The following USP4 variants were observed in gnomAD, a reference collection of about 807,000 sequenced individuals.
USP4 encodes ubiquitin specific peptidase 4.
USP4 carries 72 observed loss-of-function variants against 118.2 expected under a neutral mutation model. That is an observed-to-expected ratio of 0.61 (90% CI 0.50 to 0.74). The LOEUF (loss-of-function observed/expected upper bound fraction) is 0.74. USP4 is among the 30% of genes least tolerant of loss of function. USP4 has a pLI of 0.00. For missense variants in USP4, 1,037 were observed against 1,185.7 expected (o/e 0.87, Z 1.84); for synonymous variants, 415 against 440.4 (o/e 0.94, Z 0.72).
Position 49,335,501 on chromosome 3 carries a change from G to A in USP4, c.197C>T (p.Pro66Leu). The change falls in exon 2 of 22, where the codon CCT becomes CTT. Residue 66 changes from proline to leucine, a missense_variant. Physicochemically the swap from Pro to Leu is moderately conservative, Grantham distance 98. Transcript: ENST00000265560. Reference protein sequence around the residue: ...MYNVGEHNLFPGPIDNSGLFS... With the variant: ...MYNVGEHNLFLGPIDNSGLFS... The stretch of plus-strand genomic sequence containing the variant: ...TAGCCCAGAGTTGTCTATTGGGCCA[G>A]GAAATAGGTTATGTTCACCCACATT... The A allele has an allele frequency of 1.2e-6, 2 of 1,614,194 alleles. No homozygotes were observed. The highest frequency in any genetic ancestry group is 1.7e-6 in the Non-Finnish European group (2 of 1,180,050).
chr3:49,280,697 C>T (rs373060414), intron 20 of USP4, 47 bp downstream of exon 20: 1 of 1,523,234 alleles, frequency 6.6e-7, no homozygotes, highest in Non-Finnish European at 9.1e-7. Context: ...GAGATGATGG[C>T]CGAGCACATT....
chr3:49,295,741 C>G (rs961563550), intron 13 of USP4, among the ~76,000 whole-genome samples: 4 of 151,066 alleles, frequency 2.6e-5, no homozygotes, highest in African/African-American at 9.9e-5. Flanking sequence ...CACACCCCCC[C>G]CTCCCCAAAT....
intron 3 of USP4, among the ~76,000 whole-genome samples, chr3:49,327,139 G>A (rs781329619): frequency 1.1e-4 from 16 of 152,244 alleles, no homozygotes; most frequent in Non-Finnish European, 1.6e-4. Context: ...CTCTCACAGC[G>A]CTGCTGGGCA....
At chr3:49,309,941 A>ATTTTTTTTTTTTTT (rs2047365541) in intron 8 of USP4, among the ~76,000 whole-genome samples, 1 of 15,398 alleles carries the variant, frequency 6.5e-5, no homozygotes, top group Non-Finnish European at 1.1e-4. Context: ...CTTTTTTTTA[A>ATTTTTTTTTTTTTT]TCTTTTTTTT....
intron 8 of USP4, 100 bp downstream of exon 8, chr3:49,310,520 G>A: frequency 1.0e-6 from 1 of 980,028 alleles, no homozygotes; most frequent in South Asian, 1.3e-5. Flanking sequence ...CAAGGGGTAG[G>A]CAGGGACTCC....
chr3:49,296,764 G>A (rs1010673996), intron 13 of USP4, among the ~76,000 whole-genome samples: 2 of 152,208 alleles, frequency 1.3e-5, no homozygotes, highest in Non-Finnish European at 2.9e-5. Flanking sequence ...TGGCCCATAG[G>A]CCCTCTGAAA....
At chr3:49,318,909 C>CAA (rs1263569898) in intron 6 of USP4, 2 of 64,630 alleles carry the variant, frequency 3.1e-5, no homozygotes, top group East Asian at 4.7e-4. Context: ...GACTCTGCCT[C>CAA]AAAAAAAAAA....
At chr3:49,305,986 AC>A (rs2047310739) in intron 8 of USP4, 98 bp from the exon 9 acceptor site, 1 of 1,233,518 alleles carries the variant, frequency 8.1e-7, no homozygotes, top group Non-Finnish European at 1.1e-6. Context: ...GACAACGCCA[AC>A]AAAATGAGGC....
intron 6 of USP4, chr3:49,317,289 G>T: frequency 6.7e-7 from 1 of 1,498,842 alleles, no homozygotes; most frequent in Non-Finnish European, 9.2e-7. Flanking sequence ...CCAGCTTCTC[G>T]TTGACGCAGG....
chr3:49,281,199 G>A (rs141418046), intron 19 of USP4, among the ~76,000 whole-genome samples: 3,628 of 152,202 alleles, frequency 0.024, 154 homozygotes, highest in African/African-American at 0.083. Flanking sequence ...GCTCACACCT[G>A]TAATCCCAGC....
At chr3:49,318,446 T>C (rs2047463862) in intron 6 of USP4, 1 of 985,238 alleles carries the variant, frequency 1.0e-6, no homozygotes, top group Non-Finnish European at 1.2e-6. Flanking sequence ...CTCAGGCAAG[T>C]GACGTTAAAG....
chr3:49,299,077 CT>C (rs1049683757), intron 11 of USP4, among the ~76,000 whole-genome samples: 1 of 151,496 alleles, frequency 6.6e-6, no homozygotes, highest in Non-Finnish European at 1.5e-5. Flanking sequence ...CCGGCCTCAA[CT>C]TTCTTTTTTT....
chr3:49,335,594 T>C lies in USP4; in HGVS notation c.104A>G (p.Tyr35Cys), dbSNP rs202118743. ...RTTLQRGAQW[Y>C]LIDSRWFKQW... ...CTTGAACCACCGGCTGTCAATAAGATACCTAGAGAGAGACAGAAATTTACT... is the reference window on the plus strand; with the variant it reads ...CTTGAACCACCGGCTGTCAATAAGACACCTAGAGAGAGACAGAAATTTACT... The change falls in exon 2 of 22, where the codon TAT becomes TGT. Residue 35 changes from tyrosine to cysteine, a missense_variant and splice_region_variant. Coordinates refer to ENST00000265560, the MANE Select transcript of USP4 (RefSeq NM_003363.4). The C allele has an allele frequency of 1.3e-4, 213 of 1,614,156 alleles. No homozygotes were observed. Among genetic ancestry groups the C allele is most frequent in the Non-Finnish European group, 1.7e-4 (199 of 1,180,034 alleles).
intron 19 of USP4, among the ~76,000 whole-genome samples, chr3:49,281,150 G>A (rs1015879721): frequency 4.6e-5 from 7 of 151,858 alleles, no homozygotes; most frequent in Non-Finnish European, 8.8e-5. Flanking sequence ...GTGAAATCCC[G>A]TCTCTGCTAA....
At chr3:49,327,898 A>C in intron 2 of USP4, 82 bp from the exon 3 acceptor site, 1 of 1,350,698 alleles carries the variant, frequency 7.4e-7, no homozygotes, top group Non-Finnish European at 1.0e-6. Flanking sequence ...TACTTTTCAG[A>C]AATAAGAAAA....
chr3:49,336,494 G>A (rs939187556), intron 1 of USP4, among the ~76,000 whole-genome samples: 4 of 150,584 alleles, frequency 2.7e-5, no homozygotes, highest in African/African-American at 9.8e-5. Flanking sequence ...CTTTTCATGG[G>A]TAAAATCATG....
At chr3:49,297,514 A>G (rs1476403956) in intron 13 of USP4, among the ~76,000 whole-genome samples, 1 of 152,166 alleles carries the variant, frequency 6.6e-6, no homozygotes, top group Non-Finnish European at 1.5e-5. Flanking sequence ...TCCGTACCAC[A>G]CCCCTACTAC....
At chr3:49,337,132 G>A (rs2047675939) in intron 1 of USP4, among the ~76,000 whole-genome samples, 1 of 151,990 alleles carries the variant, frequency 6.6e-6, no homozygotes, top group Non-Finnish European at 1.5e-5. Flanking sequence ...ACAAAAATTA[G>A]CTGAGCGTGG....
At position 49,305,782 on chromosome 3, in the gene USP4, G is replaced by C; in HGVS notation, c.1061C>G (p.Ala354Gly). ...PLGMKGEIAE[A>G]YAELIKQMWS... Reference sequence around the variant, plus strand: ...CATCTGCTTAATGAGTTCAGCATAGGCTTCTGCAATTTCCCCTTTCATCCC... The same window carrying C: ...CATCTGCTTAATGAGTTCAGCATAGCCTTCTGCAATTTCCCCTTTCATCCC... The change falls in exon 9 of 22, where the codon GCC becomes GGC. Residue 354 changes from alanine (A) to glycine (G), a missense_variant. Physicochemically the swap from Ala to Gly is moderately conservative, Grantham distance 60 (BLOSUM62 0). Around this residue, in one of 3 missense-constraint regions of USP4, gnomAD observed 487 missense variants for 534.1 expected, o/e 0.91. Coordinates refer to ENST00000265560, the MANE Select transcript of USP4 (RefSeq NM_003363.4). 1.9e-6 allele frequency: 3 copies of C among 1,614,026 alleles called. No homozygotes were observed. Among genetic ancestry groups the C allele is most frequent in the East Asian group, 2.2e-5 (1 of 44,880 alleles).
Sources: allele counts gnomAD v4.1 joint callset (sites outside exome capture counted in the v4.1 genomes callset), GRCh38; gene constraint gnomAD v4.1.1; regional missense constraint gnomAD v4.1.1; transcripts MANE v1.5; gene names NCBI Gene and HGNC (gene_info 2026-07-23, HGNC 2026-07-21).